The following UEVLD variants were observed in gnomAD, a reference collection of about 807,000 sequenced individuals.
The protein encoded by UEVLD is UEV and lactate/malate dehyrogenase domains, also known as ubiquitin-conjugating enzyme E2 variant 3.
Under a neutral mutation model 58.6 loss-of-function variants are expected in UEVLD, and 47 were observed. The observed-to-expected ratio is 0.80, with a 90% CI of 0.63 to 1.02. The LOEUF is 1.02. Among genes scored for constraint, UEVLD ranks in the 50% least tolerant of loss-of-function variants. The pLI, the probability that UEVLD is intolerant of heterozygous loss-of-function variation, is 0.00. For synonymous variants in UEVLD, 197 were observed against 195.3 expected (o/e 1.01, Z -0.07); for missense variants, 510 against 550.6 (o/e 0.93, Z 0.74).
At chr11:18,545,946 C>A (rs751884653) in intron 8 of UEVLD, among the ~76,000 whole-genome samples, 2 of 152,072 alleles carry the variant, frequency 1.3e-5, no homozygotes, top group Non-Finnish European at 2.9e-5. Context: ...GATTCAGTGT[C>A]GCATTATGAA....
intron 6 of UEVLD, among the ~76,000 whole-genome samples, chr11:18,560,138 C>CACACACACACAG (rs368897951): frequency 0.025 from 1,877 of 74,342 alleles, 115 homozygotes; most frequent in South Asian, 0.032. Flanking sequence ...CACACACACA[C>CACACACACACAG]AGAGAGAGAA....
At chr11:18,578,664 A>G in intron 2 of UEVLD, 60 bp downstream of exon 2, 1 of 1,313,416 alleles carries the variant, frequency 7.6e-7, no homozygotes, top group Non-Finnish European at 1.1e-6. Flanking sequence ...GCAGCTCTTT[A>G]GGACCAAAAA....
Position 18,557,221 on chromosome 11 carries a change from G to A in UEVLD, c.715+1007C>T, listed in dbSNP as rs1321054868. Among the ~76,000 whole-genome samples, 6 of 151,492 alleles carry A rather than the reference G, an allele frequency of 4.0e-5. No individual in the cohort carries two copies. In the South Asian group the frequency reaches 6.3e-4, roughly 16 times the overall value. On this transcript the variant is annotated intron_variant, in intron 7 of 11. Coordinates refer to ENST00000396197, the MANE Select transcript of UEVLD (RefSeq NM_001040697.4). ...AGGCTGGAGTGCAGTGGCGCATCTC[G>A]GCTCACTGCAAACTCCGCATCCCGG...
chr11:18,544,372 G>A (rs769728541), intron 9 of UEVLD, among the ~76,000 whole-genome samples: 5 of 152,112 alleles, frequency 3.3e-5, no homozygotes, highest in African/African-American at 7.2e-5. Flanking sequence ...GCAGTGCTGC[G>A]ATCATGGCTC....
At chr11:18,542,890 C>T (rs367745338) in intron 9 of UEVLD, among the ~76,000 whole-genome samples, 60 of 125,888 alleles carry the variant, frequency 4.8e-4, no homozygotes, top group Admixed American at 7.1e-4. Flanking sequence ...CTTTTCTTTT[C>T]TTTTTTTTTT....
chr11:18,583,326 T>C (rs1853352821), intron 1 of UEVLD, among the ~76,000 whole-genome samples: 1 of 151,758 alleles, frequency 6.6e-6, no homozygotes, highest in African/African-American at 2.4e-5. Context: ...GTTCAAGCAA[T>C]TCTCCTGCCT....
At chr11:18,581,677 C>T (rs1244210734) in intron 1 of UEVLD, among the ~76,000 whole-genome samples, 1 of 99,162 alleles carries the variant, frequency 1.0e-5, no homozygotes, top group African/African-American at 3.8e-5. Flanking sequence ...GACACTGTCT[C>T]AAAAAAAAAA....
intron 1 of UEVLD, among the ~76,000 whole-genome samples, chr11:18,588,358 G>C (rs1162734252): frequency 6.6e-6 from 1 of 152,166 alleles, no homozygotes; most frequent in East Asian, 1.9e-4. Flanking sequence ...GCTGTTTGAG[G>C]TCAGTGAAGC....
chr11:18,561,276 C>T (rs1852017935), intron 6 of UEVLD, among the ~76,000 whole-genome samples: 1 of 152,096 alleles, frequency 6.6e-6, no homozygotes, highest in Non-Finnish European at 1.5e-5. Flanking sequence ...AATAACAGTA[C>T]CTAAACAAAG....
chr11:18,588,540 C>A (rs1853708693), intron 1 of UEVLD, 73 bp downstream of exon 1: 1 of 1,555,562 alleles, frequency 6.4e-7, no homozygotes, highest in Non-Finnish European at 8.7e-7. Flanking sequence ...AAAACGGAGG[C>A]AACCTGGCCA....
chr11:18,584,150 C>A (rs553893315), intron 1 of UEVLD, among the ~76,000 whole-genome samples: 17 of 152,088 alleles, frequency 1.1e-4, no homozygotes, highest in Non-Finnish European at 1.9e-4. Context: ...CAGTCAAGGA[C>A]AAAGGATCAC....
At chr11:18,581,018 C>T (rs796665657) in intron 1 of UEVLD, among the ~76,000 whole-genome samples, 16 of 152,040 alleles carry the variant, frequency 1.1e-4, no homozygotes, top group South Asian at 4.2e-4. Flanking sequence ...CAAAATTAGC[C>T]GGGCATGGTG....
At chr11:18,567,437 A>C (rs1007281358) in intron 4 of UEVLD, among the ~76,000 whole-genome samples, 2 of 152,174 alleles carry the variant, frequency 1.3e-5, no homozygotes, top group African/African-American at 4.8e-5. Flanking sequence ...TCTGAGTTTC[A>C]CTATTTATAA....
At chr11:18,563,761 T>G (rs1027836559) in intron 6 of UEVLD, 1 of 920,780 alleles carries the variant, frequency 1.1e-6, no homozygotes, top group Non-Finnish European at 1.3e-6. Context: ...TCCCAGCACT[T>G]TGGGAGGCCA....
intron 1 of UEVLD, among the ~76,000 whole-genome samples, chr11:18,584,461 ACTGT>A (rs1229409098): frequency 1.3e-5 from 2 of 152,168 alleles, no homozygotes; most frequent in Non-Finnish European, 2.9e-5. Context: ...ATGATACAGA[ACTGT>A]CTGACAAAGC....
At chr11:18,587,421 T>A (rs535625140) in intron 1 of UEVLD, among the ~76,000 whole-genome samples, 1 of 152,336 alleles carries the variant, frequency 6.6e-6, no homozygotes, top group East Asian at 1.9e-4. Flanking sequence ...CCCACGGGTA[T>A]GTAAACTGCC....
chr11:18,584,881 T>C (rs1003494107), intron 1 of UEVLD, among the ~76,000 whole-genome samples: 6 of 152,222 alleles, frequency 3.9e-5, no homozygotes, highest in African/African-American at 1.4e-4. Context: ...TCTGCATGCC[T>C]CAGCCTCCTA....
chr11:18,579,304 G>A (rs1178273916), intron 1 of UEVLD: 8 of 267,124 alleles, frequency 3.0e-5, no homozygotes, highest in Non-Finnish European at 4.6e-5. Flanking sequence ...AGGAGCAGGA[G>A]AAGAAAATGA....
chr11:18,553,390 C>T (rs16935541), intron 7 of UEVLD, among the ~76,000 whole-genome samples: 16,864 of 151,172 alleles, frequency 0.11, 1,197 homozygotes, highest in South Asian at 0.24. Flanking sequence ...TTATGTAGAA[C>T]GTTTTCAAAG....
Sources: allele counts gnomAD v4.1 joint callset (sites outside exome capture counted in the v4.1 genomes callset), GRCh38; gene constraint gnomAD v4.1.1; transcripts MANE v1.5; gene names NCBI Gene and HGNC (gene_info 2026-07-23, HGNC 2026-07-21).